Variants in PCDHGA1 observed in about 807,000 individuals in gnomAD.
The protein encoded by PCDHGA1 is protocadherin gamma-A1.
PCDHGA1 carries 32 observed loss-of-function variants against 58.0 expected under a neutral mutation model. The ratio of observed to expected loss-of-function variants is 0.55; its 90% confidence interval spans 0.42 to 0.74. PCDHGA1 has a LOEUF of 0.74. Ranked by LOEUF, PCDHGA1 falls within the 30% of genes least tolerant of loss-of-function variation. The probability of loss-of-function intolerance (pLI) is 0.00; values close to 1 mark genes in which losing one functional copy is unlikely to be tolerated. For missense variants in PCDHGA1, 1,205 were observed against 1,182.3 expected (o/e 1.02, Z -0.28); for synonymous variants, 498 against 501.1 (o/e 0.99, Z 0.08).
chr5:141,455,406 C>A (rs991797932), intron 1 of PCDHGA1, among the ~76,000 whole-genome samples: 1 of 152,108 alleles, frequency 6.6e-6, no homozygotes, highest in Non-Finnish European at 1.5e-5. Flanking sequence ...CTTACAGAGA[C>A]AGAGGGAGCG....
intron 1 of PCDHGA1, chr5:141,429,047 GGTTTCACC>G (rs1254088441): frequency 1.3e-5 from 2 of 152,034 alleles, no homozygotes; most frequent in Non-Finnish European, 2.9e-5. Flanking sequence ...GTACAGACGG[GGTTTCACC>G]GTGTTAGCCA....
chr5:141,334,598 C>G lies in PCDHGA1; in HGVS notation c.2421+1493C>G, dbSNP rs1756523563. 6.6e-6 allele frequency: 1 copy of G among 152,146 alleles called. No homozygotes were observed. Among genetic ancestry groups the G allele is most frequent in the Admixed American group, 6.5e-5 (1 of 15,282 alleles). 9.4% of individuals were successfully genotyped at this position (152,146 alleles called of 1,614,324 possible). A position where few individuals can be genotyped will look rare whatever the true frequency, so the allele number is the denominator to read the frequency against. ...TCCAGCCTGGGCGACAGAGCCACAC[C>G]CTGTTAAATAAATAAATATAATAAT... On this transcript the variant is annotated intron_variant, in intron 1 of 3. Transcript: ENST00000517417. The surrounding 1 kb of genome is among the most constrained non-coding windows in gnomAD (Gnocchi z 4.6).
At position 141,486,266 on chromosome 5, in the gene PCDHGA1, C is replaced by A; in HGVS notation, c.2422-8541C>A. On this transcript the variant is annotated intron_variant, in intron 1 of 3. Coordinates refer to ENST00000517417, the MANE Select transcript of PCDHGA1 (RefSeq NM_018912.3). The surrounding 1 kb of genome is among the most constrained non-coding windows in gnomAD (Gnocchi z 5.0). ...TGGAACCCTCCCCGAGAGTGCAGAA[C>A]CTGGCACTGTGGTGGCACTTATCAG... The A allele has an allele frequency of 1.9e-6, 3 of 1,614,098 alleles. No homozygotes were observed. Among genetic ancestry groups the A allele is most frequent in the Admixed American group, 3.3e-5 (2 of 60,016 alleles).
At position 141,340,001 on chromosome 5, in the gene PCDHGA1, G is replaced by T; in HGVS notation, c.2421+6896G>T. 6.2e-7 allele frequency: 1 copy of T among 1,614,146 alleles called. No individual in the cohort carries two copies. The highest frequency in any genetic ancestry group is 8.5e-7 in the Non-Finnish European group (1 of 1,180,010). On this transcript the variant is annotated intron_variant, in intron 1 of 3. Transcript: ENST00000517417. ...CACGGTTCTGGATGTGAATGACAAT[G>T]CCCCAGAATTTTACATGACATCTGC...
rs1588447312 is a variant in PCDHGA1 at position 141,339,857 on chromosome 5, T to G, written c.2421+6752T>G. ...AACCTCAGAGGTATTTGAGCTTAAG[T>G]CAACATCTGGAGAACTGACAATCAT... On this transcript the variant is annotated intron_variant, in intron 1 of 3. Coordinates refer to ENST00000517417, the MANE Select transcript of PCDHGA1 (RefSeq NM_018912.3). 6.2e-7 allele frequency: 1 copy of G among 1,614,156 alleles called. No individual in the cohort carries two copies. The highest frequency in any genetic ancestry group is 8.5e-7 in the Non-Finnish European group (1 of 1,180,012).
At chr5:141,380,295 A>G (rs956041839) in intron 1 of PCDHGA1, among the ~76,000 whole-genome samples, 2 of 152,172 alleles carry the variant, frequency 1.3e-5, no homozygotes, top group African/African-American at 2.4e-5. Flanking sequence ...GAAGATACCT[A>G]TATCTTTGCT....
At chr5:141,414,476 C>T (rs1242647918) in intron 1 of PCDHGA1, 1 of 1,613,802 alleles carries the variant, frequency 6.2e-7, no homozygotes, top group African/African-American at 1.3e-5. Flanking sequence ...GGGGGAAGTC[C>T]TCCTCTATCA....
At chr5:141,474,772 G>T (rs1053853138) in intron 1 of PCDHGA1, among the ~76,000 whole-genome samples, 1 of 152,182 alleles carries the variant, frequency 6.6e-6, no homozygotes, top group Non-Finnish European at 1.5e-5. Context: ...AATAGTATGA[G>T]GCTCTAACAC....
intron 1 of PCDHGA1, among the ~76,000 whole-genome samples, chr5:141,386,528 T>G (rs1181319415): frequency 6.6e-6 from 1 of 152,148 alleles, no homozygotes; most frequent in African/African-American, 2.4e-5. Context: ...AAGACTCTTT[T>G]TAGACTAGTG....
intron 1 of PCDHGA1, chr5:141,422,633 G>A (rs769515606): frequency 1.9e-6 from 3 of 1,613,120 alleles, no homozygotes; most frequent in Non-Finnish European, 2.5e-6. Flanking sequence ...AACCCCAGGG[G>A]TGCCTCCATC....
chr5:141,360,850 C>T (rs762068366), intron 1 of PCDHGA1: 4 of 1,613,866 alleles, frequency 2.5e-6, no homozygotes, highest in East Asian at 2.2e-5. Context: ...CAACGATAAC[C>T]CTCCAGTGTT....
At position 141,366,541 on chromosome 5, in the gene PCDHGA1, C is replaced by T. The variant is rs558446486; in HGVS notation, c.2421+33436C>T. 62 of 1,614,270 alleles carry T rather than the reference C, an allele frequency of 3.8e-5. No homozygotes were observed. In the South Asian group the frequency reaches 6.5e-4, roughly 17 times the overall value. ...GCAGCAGGTTGGCGGGTGTGCCCGC[C>T]TCGCACTTTGTGGGCGTGGATGGGG... On this transcript the variant is annotated intron_variant, in intron 1 of 3. Transcript: ENST00000517417.
chr5:141,391,899 T>G (rs1283624057), intron 1 of PCDHGA1: 2 of 152,212 alleles, frequency 1.3e-5, no homozygotes, highest in Non-Finnish European at 2.9e-5. Flanking sequence ...GGATGGAGCT[T>G]TGCTTTTTAT....
Position 141,431,829 on chromosome 5 carries a change from C to T in PCDHGA1, c.2422-62978C>T, listed in dbSNP as rs758915768. On this transcript the variant is annotated intron_variant, in intron 1 of 3. Transcript: ENST00000517417. The surrounding 1 kb of genome is among the most constrained non-coding windows in gnomAD (Gnocchi z 4.8). ...CTCACCTCTCTCGCCAGCTCGGTTC[C>T]CGAAAACTCTCCCAGAGGGACATTA... The T allele has an allele frequency of 1.9e-6, 3 of 1,613,928 alleles. No individual in the cohort carries two copies. The highest frequency in any genetic ancestry group is 2.2e-5 in the South Asian group (2 of 91,090).
At chr5:141,341,845 G>T in intron 1 of PCDHGA1, 1 of 185,208 alleles carries the variant, frequency 5.4e-6, no homozygotes, top group Non-Finnish European at 1.1e-5. Flanking sequence ...CATGTTAGTT[G>T]GCTAGTTCTT....
At chr5:141,438,629 TATATATACAC>T (rs1412065186) in intron 1 of PCDHGA1, among the ~76,000 whole-genome samples, 590 of 47,950 alleles carry the variant, frequency 0.012, no homozygotes, top group African/African-American at 0.039. Flanking sequence ...TATATATATA[TATATATACAC>T]ACACACACAC....
intron 1 of PCDHGA1, chr5:141,422,099 A>C (rs374091819): frequency 6.2e-7 from 1 of 1,609,706 alleles, no homozygotes; most frequent in Non-Finnish European, 8.5e-7. Context: ...AAGGCTTCTG[A>C]AATATTCCAA....
At chr5:141,459,300 A>G (rs954766370) in intron 1 of PCDHGA1, among the ~76,000 whole-genome samples, 2 of 152,202 alleles carry the variant, frequency 1.3e-5, no homozygotes, top group Non-Finnish European at 2.9e-5. Context: ...ATCCTATAAC[A>G]TATACTATTT....
chr5:141,466,285 C>A (rs1271958613), intron 1 of PCDHGA1, among the ~76,000 whole-genome samples: 1 of 152,148 alleles, frequency 6.6e-6, no homozygotes, highest in African/African-American at 2.4e-5. Context: ...ATCTTCCCAC[C>A]TCAGGCTCCC....
Sources: gnomAD v4.1 joint callset for allele counts (sites outside exome capture counted in the v4.1 genomes callset) on GRCh38, gnomAD v4.1.1 for gene constraint, Gnocchi (gnomAD v3.1) non-coding constraint, MANE v1.5 for transcripts, NCBI Gene and HGNC (gene_info 2026-07-23, HGNC 2026-07-21) for gene names.